RAD51D: variants seen among roughly 807,000 people sequenced by gnomAD.
RAD51D encodes RAD51 paralog D.
Under a neutral mutation model 44.1 loss-of-function variants are expected in RAD51D, and 38 were observed. The ratio of observed to expected loss-of-function variants is 0.86; its 90% CI spans 0.67 to 1.13. RAD51D has a LOEUF of 1.13. Among genes scored for constraint, RAD51D ranks in the 50% most tolerant of loss-of-function variants. The pLI, the probability that RAD51D is intolerant of heterozygous loss-of-function variation, is 0.00. For missense variants in RAD51D, 390 were observed against 414.0 expected, an observed-to-expected ratio of 0.94 and a Z score of 0.50; for synonymous variants, 141 against 166.6, an observed-to-expected ratio of 0.85 and a Z score of 1.18.
rs2142432221 is a variant in RAD51D, at chr17:35,106,999, C to T, written c.469G>A (p.Glu157Lys). ...CATCCTGCCCTTACCTGTTCCTCCT[C>T]ATCCTGGGTTTTAGCCTGAAGCAGC... ...LQLLQAKTQD[E>K]EEQAEALRRI... Residue 157 changes from glutamate (E) to lysine (K), a missense_variant, in exon 5 of 10, where the codon GAG becomes AAG. Physicochemically the swap from Glu to Lys is moderately conservative, Grantham distance 56 (BLOSUM62 1). Transcript: ENST00000345365. 1.2e-6 allele frequency: 2 copies of T among 1,614,208 alleles called. No individual in the cohort carries two copies. Among genetic ancestry groups the T allele is most frequent in the Non-Finnish European group, 8.5e-7 (1 of 1,180,036 alleles).
At chr17:35,110,982 G>C (rs771348900) in intron 3 of RAD51D, among the ~76,000 whole-genome samples, 1 of 152,008 alleles carries the variant, frequency 6.6e-6, no homozygotes, top group Non-Finnish European at 1.5e-5. Context: ...GCATGCACCT[G>C]TAATCCCAGC....
rs1400010688 is a variant in RAD51D, at chr17:35,100,272, A to G, written c.*681T>C. On this transcript the variant is annotated 3_prime_UTR_variant, in exon 10 of 10. Coordinates refer to ENST00000345365, the MANE Select transcript of RAD51D (RefSeq NM_002878.4). ...CTCACCTAGTCATGGTGATGCAGGC[A>G]GGTCTGAAACCAAATCAGCAAGAGG... is the stretch of plus-strand genomic sequence containing the variant. The G allele has an allele frequency of 1.9e-6, 1 of 533,908 alleles. No homozygotes were observed. The highest frequency in any genetic ancestry group is 2.2e-5 in the Admixed American group (1 of 45,050). The allele number at this position is 533,908 out of a possible 1,614,324, so 33.1% of individuals were successfully genotyped here. A position where few individuals can be genotyped will look rare whatever the true frequency, so the allele number is the denominator to read the frequency against.
intron 2 of RAD51D, among the ~76,000 whole-genome samples, 192 bp from the exon 3 acceptor site, chr17:35,118,811 C>T (rs558717062): frequency 4.6e-5 from 7 of 152,258 alleles, no homozygotes; most frequent in African/African-American, 7.2e-5. Flanking sequence ...AGCACGATCT[C>T]GGCTCACTGC....
At position 35,100,281 on chromosome 17, in the gene RAD51D, AC is replaced by A. The variant is rs2091519003; in HGVS notation, c.*671del. The stretch of plus-strand genomic sequence containing the variant: ...TCATGGTGATGCAGGCAGGTCTGAA[AC>A]CAAATCAGCAAGAGGAAAGGAGGAA... On this transcript the variant is annotated 3_prime_UTR_variant, in exon 10 of 10. Transcript: ENST00000345365. The A allele has an allele frequency of 1.9e-6, 1 of 533,894 alleles. No individual in the cohort carries two copies. The highest frequency in any genetic ancestry group is 1.9e-5 in the African/African-American group (1 of 53,824). The allele number at this position is 533,894 out of a possible 1,614,324, so 33.1% of individuals were successfully genotyped here.
At chr17:35,108,371 C>CT (rs1258724748) in intron 3 of RAD51D, among the ~76,000 whole-genome samples, 1 of 151,908 alleles carries the variant, frequency 6.6e-6, no homozygotes, top group Admixed American at 6.6e-5. Context: ...AACAACTGTA[C>CT]TACAAAATGT....
chr17:35,097,551 A>AT lies in RAD51D; in HGVS notation c.*3401dup, dbSNP rs1351602887. ...TATATATATGTATATGTATATGTAT[A>AT]TTTTTTTCCTAAGAACTAGAGAGTG... On this transcript the variant is annotated 3_prime_UTR_variant, in exon 10 of 10. Transcript: ENST00000345365. The AT allele has an allele frequency of 6.6e-6, 1 of 150,780 alleles. No individual in the cohort carries two copies. Among genetic ancestry groups the AT allele is most frequent in the African/African-American group, 2.4e-5 (1 of 40,930 alleles). 9.3% of individuals were successfully genotyped at this position (150,780 alleles called of 1,614,324 possible). A position where few individuals can be genotyped will look rare whatever the true frequency, so the allele number is the denominator to read the frequency against.
intron 3 of RAD51D, 113 bp from the exon 4 acceptor site, chr17:35,107,560 A>T (rs2091623392): frequency 2.3e-6 from 2 of 876,358 alleles, no homozygotes; most frequent in Admixed American, 2.0e-5. Context: ...GTCTTTGAAC[A>T]TCACTGGCCA....
Position 35,119,666 on chromosome 17 carries a change from C to G in RAD51D, c.-53G>C, listed in dbSNP as rs769783842. 1.3e-6 allele frequency: 2 copies of G among 1,584,450 alleles called. No individual in the cohort carries two copies. Among genetic ancestry groups the G allele is most frequent in the African/African-American group, 2.7e-5 (2 of 74,548 alleles). ...GGGGACTGCACGTCACGTGGGCATT[C>G]GCGGGGGGTCCTCTCCAGACGCCCC... is the stretch of plus-strand genomic sequence containing the variant. On this transcript the variant is annotated 5_prime_UTR_variant, in exon 1 of 10. Transcript: ENST00000345365.
At position 35,101,047 on chromosome 17, in the gene RAD51D, A is replaced by T. The variant is rs374449943; in HGVS notation, c.904-11T>A. On this transcript the variant is annotated splice_polypyrimidine_tract_variant and intron_variant, in intron 9 of 9. Transcript: ENST00000345365. ...CTGGAAACCTGTTGGCTGGAAGAAG[A>T]AGTAAGGAGTCAGTGGAGTTAAGCA... The T allele has an allele frequency of 6.8e-5, 109 of 1,612,038 alleles. 1 individual carries two copies. The African/African-American group carries it at 1.0e-3, about 15-fold the overall frequency.
chr17:35,110,834 C>T (rs115279908), intron 3 of RAD51D, among the ~76,000 whole-genome samples: 1,750 of 152,266 alleles, frequency 0.011, 30 homozygotes, highest in African/African-American at 0.04. Flanking sequence ...AGGCTGGGCG[C>T]GGTGGCTCAC....
chr17:35,107,703 C>T (rs2091624557), intron 3 of RAD51D, among the ~76,000 whole-genome samples: 2 of 150,690 alleles, frequency 1.3e-5, no homozygotes, highest in Admixed American at 6.6e-5. Context: ...AGAAGGTTCT[C>T]CCTTCATTTT....
chr17:35,114,024 G>T (rs2091707811), intron 3 of RAD51D, among the ~76,000 whole-genome samples: 1 of 152,154 alleles, frequency 6.6e-6, no homozygotes, highest in Non-Finnish European at 1.5e-5. Context: ...TGTAATCCTA[G>T]CACTTTGGGA....
intron 3 of RAD51D, among the ~76,000 whole-genome samples, chr17:35,108,319 G>A (rs1250711588): frequency 6.6e-6 from 1 of 151,702 alleles, no homozygotes; most frequent in African/African-American, 2.4e-5. Context: ...CCAGGAAGTT[G>A]CAAAAAGTCC....
rs2091524139 is a variant in RAD51D at position 35,100,713 on chromosome 17, TAAGGG to T, written c.*235_*239del. ...CCACCAGAAACATACACGTTAGAAATAAGGGAAGGAAACGTGGCACCAGTATGAAT... is the reference window on the plus strand; with the variant it reads ...CCACCAGAAACATACACGTTAGAAATAAGGAAACGTGGCACCAGTATGAAT... On this transcript the variant is annotated 3_prime_UTR_variant, in exon 10 of 10. Coordinates refer to ENST00000345365, the MANE Select transcript of RAD51D (RefSeq NM_002878.4). The T allele has an allele frequency of 3.1e-6, 2 of 645,112 alleles. No homozygotes were observed. The highest frequency in any genetic ancestry group is 5.7e-6 in the Non-Finnish European group (2 of 352,190). 40.0% of individuals were successfully genotyped at this position (645,112 alleles called of 1,614,324 possible). A position where few individuals can be genotyped will look rare whatever the true frequency, so the allele number is the denominator to read the frequency against.
intron 3 of RAD51D, among the ~76,000 whole-genome samples, chr17:35,109,689 C>T (rs374105229): frequency 6.7e-6 from 1 of 148,556 alleles, no homozygotes. Flanking sequence ...TTTTTTGAAA[C>T]GGAGTTTCAC....
intron 3 of RAD51D, among the ~76,000 whole-genome samples, chr17:35,108,257 AAACAACAAC>A (rs758245231): frequency 1.3e-5 from 2 of 151,684 alleles, no homozygotes; most frequent in African/African-American, 4.8e-5. Flanking sequence ...AAAACAAAAC[AAACAACAAC>A]AACAACAACA....
At chr17:35,116,464 A>G (rs2091748196) in intron 3 of RAD51D, among the ~76,000 whole-genome samples, 1 of 151,964 alleles carries the variant, frequency 6.6e-6, no homozygotes, top group South Asian at 2.1e-4. Flanking sequence ...TTCTTCACCT[A>G]TAGAATGATG....
chr17:35,115,861 T>A (rs2091730132), intron 3 of RAD51D, among the ~76,000 whole-genome samples: 1 of 131,116 alleles, frequency 7.6e-6, no homozygotes, highest in Non-Finnish European at 1.6e-5. Flanking sequence ...AGAGTGAAAC[T>A]CCGTCAAAAA....
At chr17:35,118,419 T>C in intron 3 of RAD51D, 82 bp downstream of exon 3, 1 of 1,212,226 alleles carries the variant, frequency 8.2e-7, no homozygotes, top group Non-Finnish European at 1.2e-6. Flanking sequence ...CCCTCCCGTC[T>C]AGACTCAAGC....
Sources: gnomAD v4.1 joint callset for allele counts (sites outside exome capture counted in the v4.1 genomes callset) on GRCh38, gnomAD v4.1.1 for gene constraint, MANE v1.5 for transcripts, NCBI Gene and HGNC (gene_info 2026-07-23, HGNC 2026-07-21) for gene names.